The following EHMT1 variants were observed in gnomAD, a reference collection of about 807,000 sequenced individuals.
The protein encoded by EHMT1 is histone-lysine N-methyltransferase EHMT1.
Under a neutral mutation model 147.2 loss-of-function variants are expected in EHMT1, and 15 were observed. The observed-to-expected ratio is 0.10, with a 90% CI of 0.07 to 0.16. The LOEUF is 0.16. EHMT1 is among the 10% of genes least tolerant of loss of function. The probability of loss-of-function intolerance (pLI) is 1.00; values close to 1 mark genes in which losing one functional copy is unlikely to be tolerated. For missense variants in EHMT1, 1,587 were observed against 1,772.4 expected, an observed-to-expected ratio of 0.90 and a Z score of 1.88; for synonymous variants, 795 against 709.6, an observed-to-expected ratio of 1.12 and a Z score of -1.91.
rs773000043 is a variant in EHMT1, at chr9:137,762,853, C to T, written c.1647+33C>T. On this transcript the variant is annotated intron_variant, in intron 10 of 26. Coordinates refer to ENST00000460843, the MANE Select transcript of EHMT1 (RefSeq NM_024757.5). ...CGTTTGTTTTCATTTAAAGCAGCCA[C>T]GAGGAGTGAGTGAGAAAGCCCAGCC... is the stretch of plus-strand genomic sequence containing the variant. 38 of 1,612,780 alleles carry T rather than the reference C, an allele frequency of 2.4e-5. No homozygotes were observed. In the South Asian group the frequency reaches 2.7e-4, roughly 12 times the overall value.
At chr9:137,620,421 A>T (rs1571439) in intron 1 of EHMT1, among the ~76,000 whole-genome samples, 2,125 of 151,964 alleles carry the variant, frequency 0.014, 44 homozygotes, top group African/African-American at 0.048. Context: ...ATTATTTATT[A>T]TTATTATTTT....
At position 137,757,872 on chromosome 9, in the gene EHMT1, A is replaced by G. The variant is rs753811601; in HGVS notation, c.1370-8A>G. ...GTGGTGTCTGATGTGTGTGCCTTTC[A>G]TACCTAGGTTCTGAGTCGTATAAGT... On this transcript the variant is annotated splice_region_variant and splice_polypyrimidine_tract_variant and intron_variant, in intron 8 of 26. Transcript: ENST00000460843. 5.0e-6 allele frequency: 8 copies of G among 1,613,816 alleles called. No homozygotes were observed. In the South Asian group the frequency reaches 6.6e-5, roughly 13 times the overall value.
intron 25 of EHMT1, among the ~76,000 whole-genome samples, chr9:137,826,091 G>A (rs1955794235): frequency 7.5e-6 from 1 of 134,184 alleles, no homozygotes; most frequent in Non-Finnish European, 1.5e-5. Context: ...TAATTTATGT[G>A]TATTTTAACC....
chr9:137,645,218 C>T (rs2501565), intron 1 of EHMT1, among the ~76,000 whole-genome samples: 4,099 of 152,326 alleles, frequency 0.027, 184 homozygotes, highest in African/African-American at 0.093. Context: ...TTGCCTGGCA[C>T]ACTTCAGGGC....
intron 1 of EHMT1, 92 bp from the exon 2 acceptor site, chr9:137,710,875 A>AC: frequency 7.0e-7 from 1 of 1,420,830 alleles, no homozygotes; most frequent in Non-Finnish European, 9.6e-7. Flanking sequence ...GAATGTTGTA[A>AC]CTACGATTTT....
chr9:137,757,520 C>T (rs1040378109), intron 8 of EHMT1, among the ~76,000 whole-genome samples: 2 of 152,232 alleles, frequency 1.3e-5, no homozygotes, highest in Admixed American at 6.5e-5. Flanking sequence ...AAATAATCTA[C>T]AACATATGAC....
At chr9:137,734,445 G>C (rs1323836078) in intron 4 of EHMT1, among the ~76,000 whole-genome samples, 1 of 152,220 alleles carries the variant, frequency 6.6e-6, no homozygotes, top group Admixed American at 6.5e-5. Context: ...TCAAGTTTGA[G>C]AAGCAAACAA....
chr9:137,621,702 G>A (rs1272404995), intron 1 of EHMT1, among the ~76,000 whole-genome samples: 1 of 152,126 alleles, frequency 6.6e-6, no homozygotes, highest in Non-Finnish European at 1.5e-5. Flanking sequence ...GGGCATCTTA[G>A]GGTTTAAATA....
intron 16 of EHMT1, among the ~76,000 whole-genome samples, chr9:137,793,406 G>A (rs1952669181): frequency 6.6e-6 from 1 of 152,218 alleles, no homozygotes. Flanking sequence ...CACCTCAGAG[G>A]ATGTGGCAAT....
intron 16 of EHMT1, 145 bp downstream of exon 16, chr9:137,791,115 A>C: frequency 3.5e-4 from 476 of 1,343,516 alleles, no homozygotes; most frequent in Non-Finnish European, 4.5e-4. Context: ...CCTTCATCTC[A>C]CTTTGGTTAC....
At chr9:137,646,539 C>T in intron 1 of EHMT1, 1 of 789,668 alleles carries the variant, frequency 1.3e-6, no homozygotes, top group Non-Finnish European at 1.5e-6. Flanking sequence ...AACCCTGGAG[C>T]CTGGGGGAGG....
rs936963604 is a variant in EHMT1, at chr9:137,782,171, C to G, written c.2276-120C>G. On this transcript the variant is annotated intron_variant, in intron 14 of 26. Coordinates refer to ENST00000460843, the MANE Select transcript of EHMT1 (RefSeq NM_024757.5). This position sits in a 1 kb window ranked among gnomAD's most constrained non-coding sequence, Gnocchi z 5.7. ...GCTGTGGGCGGGTTCCGGCGTGGCT[C>G]GAGGTGGCTGTTTATGTGGAGGATG... is the stretch of plus-strand genomic sequence containing the variant. 3.2e-6 allele frequency: 3 copies of G among 925,422 alleles called. No individual in the cohort carries two copies. Among genetic ancestry groups the G allele is most frequent in the Non-Finnish European group, 5.1e-6 (3 of 588,874 alleles). The allele number at this position is 925,422 out of a possible 1,614,324, so 57.3% of individuals were successfully genotyped here.
intron 25 of EHMT1, among the ~76,000 whole-genome samples, chr9:137,823,251 A>G (rs1353318012): frequency 1.3e-5 from 2 of 151,232 alleles, no homozygotes; most frequent in Non-Finnish European, 2.9e-5. Context: ...GGCGCCCACC[A>G]CCACGCCCAG....
chr9:137,707,170 G>A (rs1331843331), intron 1 of EHMT1, among the ~76,000 whole-genome samples: 1 of 152,208 alleles, frequency 6.6e-6, no homozygotes, highest in Non-Finnish European at 1.5e-5. Flanking sequence ...TTAATCTGGA[G>A]GTTTCATAAA....
intron 9 of EHMT1, among the ~76,000 whole-genome samples, chr9:137,758,865 C>T (rs1026677440): frequency 1.3e-5 from 2 of 152,140 alleles, no homozygotes; most frequent in Non-Finnish European, 2.9e-5. Flanking sequence ...CGGTGGCTCA[C>T]ACCTGTAATC....
At chr9:137,794,638 C>A (rs1299966757) in intron 16 of EHMT1, among the ~76,000 whole-genome samples, 1 of 144,306 alleles carries the variant, frequency 6.9e-6, no homozygotes, top group East Asian at 2.0e-4. Context: ...CAGAGTGAGA[C>A]CCCATCTCTA....
chr9:137,677,830 G>T (rs948193041), intron 1 of EHMT1, among the ~76,000 whole-genome samples: 4 of 151,866 alleles, frequency 2.6e-5, no homozygotes, highest in Non-Finnish European at 5.9e-5. Context: ...AGGCGGAGGC[G>T]GGCGGATCAC....
At position 137,811,461 on chromosome 9, in the gene EHMT1, G is replaced by T; in HGVS notation, c.2713G>T (p.Glu905Ter). ...KGSDINIRDN[E>*]ENICLHWAAF... ...TGAGCTCTGGCTTGTGTCTGTTCAG[G>T]AGGAGAACATTTGCCTGCACTGGGC... The change falls in exon 19 of 27, where the codon GAG becomes TAG. Residue 905 changes from glutamate (E) to a stop codon, truncating the protein, a stop_gained and splice_region_variant. Transcript: ENST00000460843. LOFTEE classifies it high-confidence loss of function. The T allele has an allele frequency of 6.2e-7, 1 of 1,612,448 alleles. No individual in the cohort carries two copies.
intron 23 of EHMT1, chr9:137,816,264 G>T (rs972980500): frequency 3.2e-6 from 2 of 632,572 alleles, no homozygotes; most frequent in Non-Finnish European, 5.8e-6. Context: ...GCTTCCCCCA[G>T]CACAGACTTC....
Sources: gnomAD v4.1 joint callset for allele counts (sites outside exome capture counted in the v4.1 genomes callset) on GRCh38, gnomAD v4.1.1 for gene constraint, Gnocchi (gnomAD v3.1) non-coding constraint, MANE v1.5 for transcripts, NCBI Gene and HGNC (gene_info 2026-07-23, HGNC 2026-07-21) for gene names.